Variants in PRDM16 observed in about 807,000 individuals in gnomAD.
PRDM16 encodes the protein PR/SET domain 16.
A neutral mutation model predicts 110.6 loss-of-function variants in PRDM16; 23 were observed. The observed-to-expected ratio is 0.21, with a 90% CI of 0.15 to 0.29. The LOEUF is 0.29. Among genes scored for constraint, PRDM16 ranks in the 10% least tolerant of loss-of-function variants. The pLI is 1.00. For missense variants in PRDM16, 1,615 were observed against 1,794.3 expected (o/e 0.90, Z 1.81); for synonymous variants, 799 against 781.8 (o/e 1.02, Z -0.37).
In PRDM16 at chr1:3,069,345, C is replaced by A. The variant is rs1245136499; in HGVS notation, c.37+49C>A. 1 of 960,864 alleles carries A rather than the reference C, an allele frequency of 1.0e-6. No individual in the cohort carries two copies. The allele number at this position is 960,864 out of a possible 1,614,324, so 59.5% of individuals were successfully genotyped here. A position where few individuals can be genotyped will look rare whatever the true frequency, so the allele number is the denominator to read the frequency against. On this transcript the variant is annotated intron_variant, in intron 1 of 16. Transcript: ENST00000270722. The surrounding 1 kb of genome is among the most constrained non-coding windows in gnomAD (Gnocchi z 6.1). Reference sequence around the variant, plus strand: ...GCCGCGCCGCCGGGGCCCGGGCCGCCGGGCCGGGGCGCCCGGGCCAGGGGT... The same window carrying A: ...GCCGCGCCGCCGGGGCCCGGGCCGCAGGGCCGGGGCGCCCGGGCCAGGGGT...
Position 3,351,164 on chromosome 1 carries a change from C to G in PRDM16, c.439-33988C>G, listed in dbSNP as rs1642473684. 6.6e-5 allele frequency among the ~76,000 whole-genome samples: 10 copies of G among 152,276 alleles called. 1 individual carries two copies. The South Asian group carries it at 2.1e-3, about 32-fold the overall frequency. On this transcript the variant is annotated intron_variant, in intron 3 of 16. Transcript: ENST00000270722. ...TCTGAGATGTGGGTCTCAGAAGCAC[C>G]TGCTTCCCACGGGGTCCACCCCGGC...
intron 1 of PRDM16, among the ~76,000 whole-genome samples, chr1:3,093,741 A>G (rs987607480): frequency 6.6e-6 from 1 of 152,086 alleles, no homozygotes; most frequent in Non-Finnish European, 1.5e-5. Context: ...GGACAGCATG[A>G]GGCTAGCCTG....
At chr1:3,261,473 A>G (rs1291314275) in intron 3 of PRDM16, among the ~76,000 whole-genome samples, 1 of 151,972 alleles carries the variant, frequency 6.6e-6, no homozygotes, top group Non-Finnish European at 1.5e-5. Context: ...GGGTTTGGAG[A>G]GCTGGAGACG....
At chr1:3,212,541 C>T (rs1638911410) in intron 2 of PRDM16, among the ~76,000 whole-genome samples, 1 of 152,188 alleles carries the variant, frequency 6.6e-6, no homozygotes, top group African/African-American at 2.4e-5. Flanking sequence ...TCTCAGAGGT[C>T]CTGGCTGGAC....
rs528071750 is a variant in PRDM16, at chr1:3,103,493, G to C, written c.37+34197G>C. Reference sequence around the variant, plus strand: ...GGGACCCAGTGCCCTTCCTCGAAATGTCGTGTTGACTGGCAGTGGCTCTTT... The same window carrying C: ...GGGACCCAGTGCCCTTCCTCGAAATCTCGTGTTGACTGGCAGTGGCTCTTT... On this transcript the variant is annotated intron_variant, in intron 1 of 16. Transcript: ENST00000270722. Among the ~76,000 whole-genome samples the C allele has an allele frequency of 1.5e-4, 23 of 152,344 alleles. No individual in the cohort carries two copies. In the South Asian group the frequency reaches 3.3e-3, roughly 22 times the overall value.
intron 1 of PRDM16, among the ~76,000 whole-genome samples, chr1:3,097,239 G>A (rs1447121477): frequency 4.6e-5 from 7 of 152,150 alleles, no homozygotes; most frequent in African/African-American, 1.2e-4. Context: ...GGTCTCTGAC[G>A]GGTCATCTGT....
At chr1:3,374,915 G>GAAGTGGCC (rs948173357) in intron 3 of PRDM16, among the ~76,000 whole-genome samples, 2 of 152,192 alleles carry the variant, frequency 1.3e-5, no homozygotes, top group Admixed American at 6.5e-5. Flanking sequence ...CCAGTGGCCC[G>GAAGTGGCC]AAGTGGCCGC....
At chr1:3,240,407 CAAAAAA>C (rs113979441) in intron 2 of PRDM16, among the ~76,000 whole-genome samples, 2 of 105,292 alleles carry the variant, frequency 1.9e-5, no homozygotes, top group African/African-American at 6.4e-5. Context: ...CAACCTGTTT[CAAAAAA>C]AAAAAAAAAA....
intron 3 of PRDM16, among the ~76,000 whole-genome samples, chr1:3,351,815 C>G (rs965953326): frequency 6.9e-6 from 1 of 145,258 alleles, no homozygotes; most frequent in Non-Finnish European, 1.5e-5. Context: ...CCTCCTCTTG[C>G]AGTCTCCAGC....
At chr1:3,239,287 G>T (rs1459909981) in intron 2 of PRDM16, among the ~76,000 whole-genome samples, 3 of 152,280 alleles carry the variant, frequency 2.0e-5, no homozygotes, top group Non-Finnish European at 2.9e-5. Context: ...CCCTGCCAGG[G>T]GCACTGTTTA....
At chr1:3,238,452 T>C (rs751681163) in intron 2 of PRDM16, among the ~76,000 whole-genome samples, 2 of 152,168 alleles carry the variant, frequency 1.3e-5, no homozygotes, top group Non-Finnish European at 2.9e-5. Flanking sequence ...CTAAAAGCAG[T>C]GTCCAAGGAG....
At chr1:3,140,269 T>C (rs1643522802) in intron 1 of PRDM16, among the ~76,000 whole-genome samples, 2 of 152,214 alleles carry the variant, frequency 1.3e-5, no homozygotes, top group African/African-American at 4.8e-5. Flanking sequence ...TGGCCTTAAA[T>C]CAAGGGTGGC....
intron 14 of PRDM16, among the ~76,000 whole-genome samples, chr1:3,428,223 A>G (rs2483240): frequency 0.12 from 6,787 of 55,504 alleles, 1,074 homozygotes; most frequent in Middle Eastern, 0.35. Flanking sequence ...GCCCGGCCGC[A>G]CTGCAGGAGA....
Position 3,358,586 on chromosome 1 carries a change from G to A in PRDM16, c.439-26566G>A, listed in dbSNP as rs989090181. Among the ~76,000 whole-genome samples the A allele has an allele frequency of 3.9e-5, 6 of 152,256 alleles. No homozygotes were observed. Among genetic ancestry groups the A allele is most frequent in the Admixed American group, 6.5e-5 (1 of 15,296 alleles). On this transcript the variant is annotated intron_variant, in intron 3 of 16. Transcript: ENST00000270722. The surrounding 1 kb of genome is among the most constrained non-coding windows in gnomAD (Gnocchi z 4.0). ...CACTGGGGCCGGAAGAGGAGCTCTC[G>A]GACCCCTCCCTCCTGCCCTCAGCCC...
chr1:3,254,793 T>C (rs79800120), intron 3 of PRDM16, among the ~76,000 whole-genome samples: 6,795 of 151,994 alleles, frequency 0.045, 355 homozygotes, highest in Admixed American at 0.17. Flanking sequence ...CTTCACAGAA[T>C]TGGAAAAAAC....
intron 3 of PRDM16, among the ~76,000 whole-genome samples, chr1:3,247,620 C>T (rs1364266107): frequency 1.3e-5 from 2 of 152,252 alleles, no homozygotes; most frequent in Non-Finnish European, 2.9e-5. Flanking sequence ...TTCCCTCTGT[C>T]TCACACCCTG....
At chr1:3,120,196 C>T (rs1198917371) in intron 1 of PRDM16, among the ~76,000 whole-genome samples, 4 of 152,212 alleles carry the variant, frequency 2.6e-5, no homozygotes, top group African/African-American at 7.2e-5. Context: ...GTAATTAAGG[C>T]GATGGATTAA....
At chr1:3,079,215 G>T (rs912415998) in intron 1 of PRDM16, among the ~76,000 whole-genome samples, 1 of 152,264 alleles carries the variant, frequency 6.6e-6, no homozygotes, top group Admixed American at 6.5e-5. Flanking sequence ...AGGCCGTGAT[G>T]GGGAGGAGAG....
chr1:3,261,977 C>T (rs1005375914), intron 3 of PRDM16, among the ~76,000 whole-genome samples: 2 of 152,250 alleles, frequency 1.3e-5, no homozygotes, highest in African/African-American at 4.8e-5. Flanking sequence ...GCCACCTGCT[C>T]TGCTGCCCTT....
Sources: gnomAD v4.1 joint callset for allele counts (sites outside exome capture counted in the v4.1 genomes callset) on GRCh38, gnomAD v4.1.1 for gene constraint, Gnocchi (gnomAD v3.1) non-coding constraint, MANE v1.5 for transcripts, NCBI Gene and HGNC (gene_info 2026-07-23, HGNC 2026-07-21) for gene names.